PARD3B: variants seen among roughly 807,000 people sequenced by gnomAD.
The protein encoded by PARD3B is par-3 family cell polarity regulator beta.
PARD3B carries 103 observed loss-of-function variants against 130.2 expected under a neutral mutation model. The ratio of observed to expected loss-of-function variants is 0.79; its 90% CI spans 0.67 to 0.93. The LOEUF (loss-of-function observed/expected upper bound fraction) is 0.93. Among genes scored for constraint, PARD3B ranks in the 40% least tolerant of loss-of-function variants. The probability of loss-of-function intolerance (pLI) is 0.00; values close to 1 mark genes in which losing one functional copy is unlikely to be tolerated. For missense variants in PARD3B, 1,609 were observed against 1,499.2 expected (o/e 1.07, Z -1.21); for synonymous variants, 583 against 553.2 (o/e 1.05, Z -0.76).
chr2:205,197,068 TGTGTGTGAGA>T (rs2036735663), intron 15 of PARD3B, among the ~76,000 whole-genome samples: 6 of 150,488 alleles, frequency 4.0e-5, no homozygotes, highest in African/African-American at 1.5e-4. Flanking sequence ...TGTGTGTGTG[TGTGTGTGAGA>T]GAGAGAGAGA....
chr2:205,019,247 G>A (rs1696409012), intron 3 of PARD3B, among the ~76,000 whole-genome samples: 1 of 152,136 alleles, frequency 6.6e-6, no homozygotes, highest in Admixed American at 6.6e-5. Flanking sequence ...TGTATGTGGT[G>A]TGTTGTGACT....
At chr2:205,488,828 T>C (rs1263492401) in intron 20 of PARD3B, among the ~76,000 whole-genome samples, 1 of 152,208 alleles carries the variant, frequency 6.6e-6, no homozygotes, top group Non-Finnish European at 1.5e-5. Flanking sequence ...ATTGCTATTC[T>C]GCCCCCAAGC....
intron 1 of PARD3B, among the ~76,000 whole-genome samples, chr2:204,679,277 G>A (rs1574682018): frequency 6.6e-6 from 1 of 152,220 alleles, no homozygotes; most frequent in African/African-American, 2.4e-5. Context: ...GTTTGGTTAG[G>A]TATATATTCA....
At position 205,291,302 on chromosome 2, in the gene PARD3B, G is replaced by T. The variant is rs1213686965; in HGVS notation, c.2186-9228G>T. 6.6e-6 allele frequency among the ~76,000 whole-genome samples: 1 copy of T among 152,160 alleles called. No homozygotes were observed. The highest frequency in any genetic ancestry group is 2.4e-5 in the African/African-American group (1 of 41,448). ...CCAACACCACCATCACAAGAGGAGA[G>T]CTGTAAAGAAAGCTTCGATCTCTGA... On this transcript the variant is annotated intron_variant, in intron 16 of 22. Transcript: ENST00000406610. This position sits in a 1 kb window ranked among gnomAD's most constrained non-coding sequence, Gnocchi z 4.6.
Position 205,253,377 on chromosome 2 carries a change from G to T in PARD3B, c.2185+7555G>T, listed in dbSNP as rs926888273. The T allele has an allele frequency of 2.3e-5, 13 of 566,020 alleles. No homozygotes were observed. Among genetic ancestry groups the T allele is most frequent in the Admixed American group, 7.7e-5 (4 of 52,272 alleles). The allele number at this position is 566,020 out of a possible 1,614,324, so 35.1% of individuals were successfully genotyped here. ...GGAAATGCTGGGACTGTGGGTCAGT[G>T]CTGACACACCCATGGCCATACGTTT... On this transcript the variant is annotated intron_variant, in intron 16 of 22. Transcript: ENST00000406610. This position sits in a 1 kb window ranked among gnomAD's most constrained non-coding sequence, Gnocchi z 4.4.
At chr2:205,427,882 C>CA (rs1487973880) in intron 19 of PARD3B, among the ~76,000 whole-genome samples, 1 of 151,982 alleles carries the variant, frequency 6.6e-6, no homozygotes, top group Non-Finnish European at 1.5e-5. Flanking sequence ...TATATTCTAG[C>CA]AAAAAAATAG....
At chr2:204,656,670 C>T (rs2035650516) in intron 1 of PARD3B, among the ~76,000 whole-genome samples, 1 of 152,130 alleles carries the variant, frequency 6.6e-6, no homozygotes, top group Non-Finnish European at 1.5e-5. Flanking sequence ...TCCAGTTTTA[C>T]ATTTTTGAAA....
intron 2 of PARD3B, among the ~76,000 whole-genome samples, chr2:204,796,235 A>G (rs866097895): frequency 6.6e-6 from 1 of 152,206 alleles, no homozygotes; most frequent in African/African-American, 2.4e-5. Flanking sequence ...AATATGATCA[A>G]ATGGTTATGT....
chr2:205,472,790 G>A (rs2048883035), intron 20 of PARD3B, among the ~76,000 whole-genome samples: 1 of 152,076 alleles, frequency 6.6e-6, no homozygotes, highest in Admixed American at 6.6e-5. Flanking sequence ...GCAAGCTCTA[G>A]ACATCCATTC....
intron 1 of PARD3B, among the ~76,000 whole-genome samples, chr2:204,563,228 T>TCC: frequency 8.5e-6 from 1 of 117,454 alleles, no homozygotes; most frequent in Non-Finnish European, 1.8e-5. Context: ...TCTCTCTCTC[T>TCC]CTCTCTCTCT....
chr2:205,143,217 T>C (rs548505118), intron 10 of PARD3B, among the ~76,000 whole-genome samples: 1 of 152,284 alleles, frequency 6.6e-6, no homozygotes, highest in South Asian at 2.1e-4. Flanking sequence ...TTAAGTATCG[T>C]AAAAATTGTG....
intron 18 of PARD3B, among the ~76,000 whole-genome samples, chr2:205,307,260 T>A (rs1198519125): frequency 6.6e-6 from 1 of 152,228 alleles, no homozygotes; most frequent in Non-Finnish European, 1.5e-5. Context: ...CTCTTGATCC[T>A]TTTGAAAAAA....
At chr2:205,327,311 C>T (rs185681295) in intron 18 of PARD3B, among the ~76,000 whole-genome samples, 60 of 152,236 alleles carry the variant, frequency 3.9e-4, no homozygotes, top group Admixed American at 1.3e-3. Flanking sequence ...TTATCGCTAA[C>T]GGGGACACAC....
Position 205,618,178 on chromosome 2 carries a change from G to A in PARD3B, c.*2365G>A, listed in dbSNP as rs1398982324. 1 of 152,216 alleles carries A rather than the reference G, an allele frequency of 6.6e-6. No homozygotes were observed. Among genetic ancestry groups the A allele is most frequent in the African/African-American group, 2.4e-5 (1 of 41,460 alleles). 9.4% of individuals were successfully genotyped at this position (152,216 alleles called of 1,614,324 possible). On this transcript the variant is annotated 3_prime_UTR_variant, in exon 23 of 23. Transcript: ENST00000406610. Reference sequence around the variant, plus strand: ...CCAGTGATGTGAAGGTACTATTAAAGTGAACAAAAACTAGATTGCAACAGT... The same window carrying A: ...CCAGTGATGTGAAGGTACTATTAAAATGAACAAAAACTAGATTGCAACAGT...
At chr2:205,420,530 C>A (rs531246930) in intron 19 of PARD3B, among the ~76,000 whole-genome samples, 1 of 152,286 alleles carries the variant, frequency 6.6e-6, no homozygotes, top group South Asian at 2.1e-4. Context: ...GTTCACATAT[C>A]CATCAACACC....
chr2:204,749,205 A>G (rs1384154037), intron 2 of PARD3B, among the ~76,000 whole-genome samples: 1 of 152,066 alleles, frequency 6.6e-6, no homozygotes, highest in Non-Finnish European at 1.5e-5. Context: ...AAAATGGATA[A>G]TTTCTTGATT....
At chr2:205,250,438 T>C (rs539265917) in intron 16 of PARD3B, among the ~76,000 whole-genome samples, 1 of 152,270 alleles carries the variant, frequency 6.6e-6, no homozygotes, top group South Asian at 2.1e-4. Flanking sequence ...CTCAAACACC[T>C]GTCCATATAG....
chr2:205,332,072 T>C (rs1370006663), intron 18 of PARD3B, among the ~76,000 whole-genome samples: 1 of 152,032 alleles, frequency 6.6e-6, no homozygotes, highest in Non-Finnish European at 1.5e-5. Flanking sequence ...GCCATTGTAC[T>C]CTAGCCAGGG....
chr2:205,011,455 G>A lies in PARD3B; in HGVS notation c.395-36126G>A, dbSNP rs1221001178. 6.6e-6 allele frequency among the ~76,000 whole-genome samples: 1 copy of A among 152,050 alleles called. No individual in the cohort carries two copies. The highest frequency in any genetic ancestry group is 2.4e-5 in the African/African-American group (1 of 41,400). Reference sequence around the variant, plus strand: ...AGTGACTCGAGAGAGAAATTAAGAGGGGCATGCTCTAAAGACAGAAGTGCA... The same window carrying A: ...AGTGACTCGAGAGAGAAATTAAGAGAGGCATGCTCTAAAGACAGAAGTGCA... On this transcript the variant is annotated intron_variant, in intron 3 of 22. Coordinates refer to ENST00000406610, the MANE Select transcript of PARD3B (RefSeq NM_001302769.2). The surrounding 1 kb of genome is among the most constrained non-coding windows in gnomAD (Gnocchi z 4.1).
Sources: gnomAD v4.1 joint callset for allele counts (sites outside exome capture counted in the v4.1 genomes callset) on GRCh38, gnomAD v4.1.1 for gene constraint, Gnocchi (gnomAD v3.1) non-coding constraint, MANE v1.5 for transcripts, NCBI Gene and HGNC (gene_info 2026-07-23, HGNC 2026-07-21) for gene names.